SKIL: variants seen among roughly 807,000 people sequenced by gnomAD.
The protein encoded by SKIL is SKI like proto-oncogene, also known as ski-like protein.
SKIL carries 20 observed loss-of-function variants against 69.6 expected under a neutral mutation model. The observed-to-expected ratio is 0.29, with a 90% CI of 0.20 to 0.42. SKIL has a LOEUF of 0.42. Among genes scored for constraint, SKIL ranks in the 10% least tolerant of loss-of-function variants. The pLI is 1.00. For synonymous variants in SKIL, 310 were observed against 279.9 expected (o/e 1.11, Z -1.08); for missense variants, 745 against 783.1 (o/e 0.95, Z 0.58).
intron 2 of SKIL, among the ~76,000 whole-genome samples, chr3:170,371,104 C>T (rs1380679327): frequency 6.6e-6 from 1 of 152,176 alleles, no homozygotes; most frequent in African/African-American, 2.4e-5. Context: ...ACAATTTCCT[C>T]ATAATTGCAC....
At chr3:170,375,999 G>C (rs1245824758) in intron 2 of SKIL, among the ~76,000 whole-genome samples, 2 of 147,988 alleles carry the variant, frequency 1.4e-5, no homozygotes, top group Non-Finnish European at 3.0e-5. Flanking sequence ...TTTAACAAAT[G>C]ATGTCTAGAA....
Position 170,360,756 on chromosome 3 carries a change from C to T in SKIL, c.425C>T (p.Thr142Ile). 6.2e-7 allele frequency: 1 copy of T among 1,614,188 alleles called. No individual in the cohort carries two copies. Among genetic ancestry groups the T allele is most frequent in the South Asian group, 1.1e-5 (1 of 91,084 alleles). Residue 142 changes from threonine (T) to isoleucine (I), a missense_variant, in exon 2 of 7, where the codon ACA becomes ATA. Physicochemically the swap from Thr to Ile is moderately conservative, Grantham distance 89. Coordinates refer to ENST00000259119, the MANE Select transcript of SKIL (RefSeq NM_005414.5). ...GPLLIPSDSS[T>I]ELTQTVLEGE... is the part of the protein sequence containing the mutation. The stretch of plus-strand genomic sequence containing the variant: ...TTGCTCATCCCTTCAGATAGCTCCA[C>T]AGAACTCACTCAGACTGTGTTGGAA...
intron 3 of SKIL, among the ~76,000 whole-genome samples, chr3:170,382,890 T>C (rs981703683): frequency 7.2e-5 from 11 of 151,884 alleles, no homozygotes; most frequent in Admixed American, 7.2e-4. Flanking sequence ...AGCTAATTTT[T>C]GTATTTTTAG....
rs1352917505 is a variant in SKIL at position 170,384,694 on chromosome 3, A to T, written c.1358A>T (p.Tyr453Phe). The change falls in exon 4 of 7, where the codon TAT (tyrosine) becomes TTT (phenylalanine). Residue 453 changes from tyrosine (Y) to phenylalanine (F), a missense_variant. Physicochemically the swap from Tyr to Phe is conservative, Grantham distance 22 (BLOSUM62 3). Transcript: ENST00000259119. The stretch of plus-strand genomic sequence containing the variant: ...GGTAAACTTCAAAAAACAGTGTCTT[A>T]TCCAGATGTCTCACTTGAGGAACAG... ...SSGKLQKTVSYPDVSLEEQEK... is the reference protein window; with the variant it reads ...SSGKLQKTVSFPDVSLEEQEK... The T allele has an allele frequency of 1.9e-6, 3 of 1,613,140 alleles. No homozygotes were observed. The highest frequency in any genetic ancestry group is 2.5e-6 in the Non-Finnish European group (3 of 1,179,306).
chr3:170,388,700 G>A (rs1027320201), intron 4 of SKIL, among the ~76,000 whole-genome samples: 8 of 152,074 alleles, frequency 5.3e-5, no homozygotes, highest in African/African-American at 1.9e-4. Flanking sequence ...AAAGTGTTGG[G>A]ATTACTGGTG....
At chr3:170,381,589 C>T (rs111428910) in intron 3 of SKIL, among the ~76,000 whole-genome samples, 40 of 151,884 alleles carry the variant, frequency 2.6e-4, no homozygotes, top group East Asian at 7.9e-4. Flanking sequence ...CACACCACCA[C>T]GCCCTCCTAA....
chr3:170,369,212 AAGTT>A (rs1736681136), intron 2 of SKIL, among the ~76,000 whole-genome samples: 1 of 151,784 alleles, frequency 6.6e-6, no homozygotes, highest in African/African-American at 2.4e-5. Context: ...TGATTTTTGA[AAGTT>A]AGAAATTTAT....
intron 4 of SKIL, 108 bp downstream of exon 4, chr3:170,384,873 C>G: frequency 3.3e-6 from 2 of 613,086 alleles, no homozygotes; most frequent in Non-Finnish European, 5.6e-6. Context: ...ATAATTGGAG[C>G]TTTTACCTTT....
At chr3:170,373,321 C>T (rs956806268) in intron 2 of SKIL, among the ~76,000 whole-genome samples, 7 of 152,098 alleles carry the variant, frequency 4.6e-5, no homozygotes, top group South Asian at 2.1e-4. Flanking sequence ...CATGAGCCAC[C>T]GTGCCCAGCC....
chr3:170,385,804 T>TTTC (rs1560219208), intron 4 of SKIL, among the ~76,000 whole-genome samples: 15 of 150,914 alleles, frequency 9.9e-5, no homozygotes, highest in East Asian at 9.8e-4. Context: ...TTCTTTCTTT[T>TTTC]TTTTCTTTTT....
rs770618593 is a variant in SKIL, at chr3:170,390,253, A to G, written c.1460A>G (p.Lys487Arg). The G allele has an allele frequency of 1.2e-6, 2 of 1,612,524 alleles. No individual in the cohort carries two copies. Among genetic ancestry groups the G allele is most frequent in the Non-Finnish European group, 1.7e-6 (2 of 1,178,584 alleles). ...TCAATCTCAAATAATTCTACAAGTAAAAGGAAATCTGAGTCTGCCACTTGC... is the reference window on the plus strand; with the variant it reads ...TCAATCTCAAATAATTCTACAAGTAGAAGGAAATCTGAGTCTGCCACTTGC... ...DASISNNSTSKRKSESATCNL... is the reference protein window; with the variant it reads ...DASISNNSTSRRKSESATCNL... Residue 487 changes from lysine (K) to arginine (R), a missense_variant, in exon 5 of 7, where the codon AAA becomes AGA. Coordinates refer to ENST00000259119, the MANE Select transcript of SKIL (RefSeq NM_005414.5).
At chr3:170,387,590 C>T (rs6786542) in intron 4 of SKIL, among the ~76,000 whole-genome samples, 116,389 of 151,312 alleles carry the variant, frequency 0.77, 45,545 homozygotes, top group East Asian at 0.94. Flanking sequence ...CTTCGTCAGT[C>T]GGACATTTGC....
intron 2 of SKIL, among the ~76,000 whole-genome samples, chr3:170,366,811 A>C (rs189426566): frequency 6.6e-6 from 1 of 152,228 alleles, no homozygotes; most frequent in East Asian, 1.9e-4. Context: ...AATAATCATT[A>C]TTTTACTTTA....
chr3:170,367,063 T>C (rs1376053022), intron 2 of SKIL, among the ~76,000 whole-genome samples: 1 of 152,340 alleles, frequency 6.6e-6, no homozygotes, highest in Non-Finnish European at 1.5e-5. Flanking sequence ...TTCAAACATA[T>C]TGGAAGTGGT....
chr3:170,359,607 A>T (rs1442619737), intron 1 of SKIL, 92 bp from the exon 2 acceptor site: 2 of 151,582 alleles, frequency 1.3e-5, no homozygotes, highest in Non-Finnish European at 2.9e-5. Flanking sequence ...AGAAAAAAAA[A>T]AAAATAAAAG....
intron 2 of SKIL, among the ~76,000 whole-genome samples, chr3:170,374,634 G>A (rs1183152489): frequency 6.6e-6 from 1 of 152,106 alleles, no homozygotes; most frequent in Non-Finnish European, 1.5e-5. Flanking sequence ...TGACACAAAT[G>A]CAGAATAGAT....
Position 170,392,243 on chromosome 3 carries a change from C to A in SKIL, c.1897-16C>A. 1.3e-6 allele frequency: 2 copies of A among 1,563,348 alleles called. No homozygotes were observed. The highest frequency in any genetic ancestry group is 1.2e-5 in the South Asian group (1 of 82,688). On this transcript the variant is annotated splice_polypyrimidine_tract_variant and intron_variant, in intron 6 of 6. Transcript: ENST00000259119. Reference sequence around the variant, plus strand: ...ACAAAACAATTAAAATTGATAGCGCCTTTTAAATCACATAGTTGGCAGAAC... The same window carrying A: ...ACAAAACAATTAAAATTGATAGCGCATTTTAAATCACATAGTTGGCAGAAC...
intron 2 of SKIL, among the ~76,000 whole-genome samples, chr3:170,364,422 C>G (rs139531339): frequency 7.0e-6 from 1 of 142,586 alleles, no homozygotes; most frequent in Non-Finnish European, 1.5e-5. Context: ...CTCCCAGATT[C>G]AAGTGATTCT....
At chr3:170,377,432 C>A (rs969562537) in intron 2 of SKIL, among the ~76,000 whole-genome samples, 2 of 142,242 alleles carry the variant, frequency 1.4e-5, no homozygotes, top group Non-Finnish European at 3.0e-5. Flanking sequence ...ATTTACATAT[C>A]ATGTAGAGAC....
Sources: gnomAD v4.1 joint callset for allele counts (sites outside exome capture counted in the v4.1 genomes callset) on GRCh38, gnomAD v4.1.1 for gene constraint, MANE v1.5 for transcripts, NCBI Gene and HGNC (gene_info 2026-07-23, HGNC 2026-07-21) for gene names.